The following TMCO5A variants were observed in gnomAD, a reference collection of about 807,000 sequenced individuals.
TMCO5A encodes transmembrane and coiled-coil domains 5A.
A neutral mutation model predicts 42.3 loss-of-function variants in TMCO5A; 34 were observed. The ratio of observed to expected loss-of-function variants is 0.80; its 90% CI spans 0.61 to 1.07. TMCO5A has a LOEUF of 1.07. TMCO5A is among the 50% of genes least tolerant of loss of function. The probability of loss-of-function intolerance (pLI) is 0.00; values close to 1 mark genes in which losing one functional copy is unlikely to be tolerated. For synonymous variants in TMCO5A, 131 were observed against 115.6 expected, an observed-to-expected ratio of 1.13 and a Z score of -0.86; for missense variants, 357 against 327.9, an observed-to-expected ratio of 1.09 and a Z score of -0.69.
At chr15:37,990,769 T>G in the TMCO5A span, among the ~76,000 whole-genome samples, 3 of 152,080 alleles carry the variant, frequency 2.0e-5, no homozygotes, top group East Asian at 3.8e-4. Flanking sequence ...AATTTCCTTC[T>G]AATTTCCTTT....
chr15:38,025,249 G>T, the TMCO5A span, among the ~76,000 whole-genome samples: 1 of 151,402 alleles, frequency 6.6e-6, no homozygotes, highest in Non-Finnish European at 1.5e-5. Flanking sequence ...GTATTGTCTA[G>T]ATGTTTTCTC....
At chr15:38,015,490 G>T in the TMCO5A span, among the ~76,000 whole-genome samples, 1 of 152,084 alleles carries the variant, frequency 6.6e-6, no homozygotes, top group Non-Finnish European at 1.5e-5. Flanking sequence ...AATATGCTTT[G>T]GCAGTTTCTT....
chr15:38,027,062 C>T, the TMCO5A span, among the ~76,000 whole-genome samples: 1 of 152,128 alleles, frequency 6.6e-6, no homozygotes, highest in Non-Finnish European at 1.5e-5. Context: ...GGGTCAGATC[C>T]CCCACACAGA....
At chr15:38,035,646 G>A in the TMCO5A span, among the ~76,000 whole-genome samples, 4 of 152,162 alleles carry the variant, frequency 2.6e-5, no homozygotes, top group Admixed American at 2.0e-4. Context: ...GGTACAGAAT[G>A]CCTTAAGATT....
At chr15:38,022,225 T>C in the TMCO5A span, among the ~76,000 whole-genome samples, 4 of 152,322 alleles carry the variant, frequency 2.6e-5, no homozygotes, top group Admixed American at 1.3e-4. Flanking sequence ...ACGAATTTAT[T>C]TTTAATTACC....
the TMCO5A span, among the ~76,000 whole-genome samples, chr15:38,023,232 T>C: frequency 6.6e-6 from 1 of 152,262 alleles, no homozygotes; most frequent in South Asian, 2.1e-4. Flanking sequence ...CAGACATATA[T>C]ATTGTCAGTT....
chr15:38,039,171 T>C, the TMCO5A span, among the ~76,000 whole-genome samples: 1 of 152,212 alleles, frequency 6.6e-6, no homozygotes, highest in Non-Finnish European at 1.5e-5. Flanking sequence ...AAGTTAAAAT[T>C]CTGAGTGTAG....
downstream of TMCO5A, among the ~76,000 whole-genome samples, chr15:37,968,588 T>C (rs1194368601): frequency 1.3e-5 from 2 of 151,280 alleles, no homozygotes; most frequent in African/African-American, 4.9e-5. Flanking sequence ...ATTTCTTTTT[T>C]TTTTTTTTTT....
At chr15:37,937,057 T>C in intron 4 of TMCO5A, 87 bp downstream of exon 4, 2 of 1,556,152 alleles carry the variant, frequency 1.3e-6, no homozygotes, top group Non-Finnish European at 1.7e-6. Context: ...TGTCTCTCCT[T>C]TTTATACATG....
At chr15:37,965,459 AAGTGAAGAGACACTTCAC>A (rs1416988036) in intron 11 of TMCO5A, among the ~76,000 whole-genome samples, 1 of 152,138 alleles carries the variant, frequency 6.6e-6, no homozygotes, top group Non-Finnish European at 1.5e-5. Context: ...ACAATCAACA[AAGTGAAGAGACACTTCAC>A]AGAATAGGGG....
the TMCO5A span, among the ~76,000 whole-genome samples, chr15:38,036,319 T>C: frequency 3.3e-4 from 51 of 152,292 alleles, no homozygotes; most frequent in Non-Finnish European, 6.3e-4. Flanking sequence ...CACTGCTACA[T>C]GTACTATCTC....
chr15:38,009,438 T>G, the TMCO5A span, among the ~76,000 whole-genome samples: 1 of 152,220 alleles, frequency 6.6e-6, no homozygotes, highest in African/African-American at 2.4e-5. Flanking sequence ...TGAGAAATGT[T>G]ATTTACTTGG....
intron 11 of TMCO5A, among the ~76,000 whole-genome samples, chr15:37,965,631 A>G (rs1203236821): frequency 3.9e-5 from 6 of 152,246 alleles, no homozygotes; most frequent in Admixed American, 3.9e-4. Flanking sequence ...AAGAATACAT[A>G]CAAATGGCAA....
chr15:38,007,570 G>A, the TMCO5A span, among the ~76,000 whole-genome samples: 1 of 152,176 alleles, frequency 6.6e-6, no homozygotes, highest in East Asian at 1.9e-4. Flanking sequence ...AAGAATTGGA[G>A]AAGGTCCCCT....
the TMCO5A span, among the ~76,000 whole-genome samples, chr15:37,983,365 GA>G: frequency 3.3e-5 from 5 of 151,784 alleles, no homozygotes; most frequent in Admixed American, 2.0e-4. Context: ...GTTCTGAGTT[GA>G]AAAAAAACAG....
At chr15:37,998,894 C>A in the TMCO5A span, among the ~76,000 whole-genome samples, 7 of 151,810 alleles carry the variant, frequency 4.6e-5, no homozygotes, top group Non-Finnish European at 8.8e-5. Flanking sequence ...TTATAGTTTT[C>A]TTTTTTTGTT....
intron 11 of TMCO5A, among the ~76,000 whole-genome samples, chr15:37,960,205 C>G (rs149431368): frequency 0.014 from 2,135 of 151,930 alleles, 58 homozygotes; most frequent in African/African-American, 0.049. Flanking sequence ...CCCCACAAGT[C>G]CCCAAAGTCC....
the TMCO5A span, among the ~76,000 whole-genome samples, chr15:38,029,541 A>T: frequency 6.6e-6 from 1 of 150,654 alleles, no homozygotes; most frequent in Non-Finnish European, 1.5e-5. Flanking sequence ...GCTCACTGCA[A>T]CCTCAACCTC....
downstream of TMCO5A, among the ~76,000 whole-genome samples, chr15:37,951,791 G>C (rs115210896): frequency 0.021 from 3,181 of 152,156 alleles, 121 homozygotes; most frequent in African/African-American, 0.072. Context: ...ACCTTTTTAA[G>C]AATCAAAAAT....
Sources: gnomAD v4.1 joint callset for allele counts (sites outside exome capture counted in the v4.1 genomes callset) on GRCh38, gnomAD v4.1.1 for gene constraint, MANE v1.5 for transcripts, NCBI Gene and HGNC (gene_info 2026-07-23, HGNC 2026-07-21) for gene names.